The following PTRH1 variants were observed in gnomAD, a reference collection of about 807,000 sequenced individuals.
PTRH1 encodes the protein peptidyl-tRNA hydrolase 1 homolog.
Under a neutral mutation model 15.7 loss-of-function variants are expected in PTRH1, and 13 were observed. The ratio of observed to expected loss-of-function variants is 0.83; its 90% confidence interval spans 0.54 to 1.31. The LOEUF (loss-of-function observed/expected upper bound fraction) is 1.31, where lower values mean the gene tolerates loss of function less well. Among genes scored for constraint, PTRH1 ranks in the 40% most tolerant of loss-of-function variants. The pLI, the probability that PTRH1 is intolerant of heterozygous loss-of-function variation, is 0.00. For synonymous variants in PTRH1, 139 were observed against 136.7 expected, an observed-to-expected ratio of 1.02 and a Z score of -0.12; for missense variants, 319 against 296.2, an observed-to-expected ratio of 1.08 and a Z score of -0.56.
At position 127,707,116 on chromosome 9, in the gene PTRH1, G is replaced by A. The variant is rs568950596; in HGVS notation, c.205+8319C>T. The A allele has an allele frequency of 6.0e-5, 97 of 1,613,726 alleles. 2 individuals are homozygous for A. Among genetic ancestry groups the A allele is most frequent in the South Asian group, 4.7e-4 (43 of 91,080 alleles). On this transcript the variant is annotated intron_variant, in intron 1 of 2. Transcript: ENST00000335223. ...GGGCAAGAAGGAGCCGGTGGTGGCC[G>A]TGGAGCCGCCTCTGGCCAAGGAGAT...
In PTRH1 at chr9:127,705,302, C is replaced by T. The variant is rs974122372; in HGVS notation, c.205+10133G>A. 1.3e-5 allele frequency among the ~76,000 whole-genome samples: 2 copies of T among 152,184 alleles called. No individual in the cohort carries two copies. Among genetic ancestry groups the T allele is most frequent in the African/African-American group, 2.4e-5 (1 of 41,436 alleles). ...AGACTACGGAAGGCAGCTGGAGAAG[C>T]GATAATGAGACAGTGCCCCCATGGC... On this transcript the variant is annotated intron_variant, in intron 1 of 2. Transcript: ENST00000335223. This position sits in a 1 kb window ranked among gnomAD's most constrained non-coding sequence, Gnocchi z 4.7.
At position 127,714,194 on chromosome 9, in the gene PTRH1, T is replaced by C; in HGVS notation, c.551A>G (p.Glu184Gly). Residue 184 changes from glutamate to glycine, a missense_variant, in exon 5 of 5, where the codon GAG becomes GGG. Glu to Gly is a moderately conservative substitution (Grantham distance 98). Coordinates refer to ENST00000543175, the MANE Select transcript of PTRH1 (RefSeq NM_001002913.3). The part of the protein sequence containing the change: ...AHVLGCFSPA[E>G]QELLPLLLDR... The stretch of plus-strand genomic sequence containing the variant: ...CAGCAACAGAGGCAGCAGCTCCTGC[T>C]CAGCAGGGGAGAAGCAGCCCAGCAC... 6.2e-7 allele frequency: 1 copy of C among 1,613,850 alleles called. No individual in the cohort carries two copies.
rs1199343432 is a variant in PTRH1, at chr9:127,713,816, G to T, written c.*284C>A. ...GCCACTGCACCCGGCCTCCAAGCCA[G>T]CATCTTTAATCTTACAGATGCGTGC... On this transcript the variant is annotated 3_prime_UTR_variant, in exon 5 of 5. Coordinates refer to ENST00000543175, the MANE Select transcript of PTRH1 (RefSeq NM_001002913.3). The T allele has an allele frequency of 1.9e-6, 3 of 1,612,414 alleles. No homozygotes were observed. Among genetic ancestry groups the T allele is most frequent in the East Asian group, 2.2e-5 (1 of 44,872 alleles).
chr9:127,709,530 G>A (rs535672656), downstream of PTRH1: 9 of 1,614,104 alleles, frequency 5.6e-6, no homozygotes, highest in African/African-American at 2.7e-5. This position sits in a 1 kb window ranked among gnomAD's most constrained non-coding sequence, Gnocchi z 4.7. Flanking sequence ...TCAAGCGCAC[G>A]CTCAACCAGC....
At chr9:127,712,086 G>A, downstream of PTRH1, 1 of 1,512,646 alleles carries the variant, frequency 6.6e-7, no homozygotes, top group East Asian at 2.4e-5. Context: ...TGAGGCTTGG[G>A]GCGGGATGGG....
downstream of PTRH1, chr9:127,711,251 C>T (rs754699871): frequency 8.7e-6 from 14 of 1,613,964 alleles, no homozygotes; most frequent in East Asian, 4.5e-5. Flanking sequence ...GATCATCCAG[C>T]GCGTGAACCT....
In PTRH1 at chr9:127,714,607, C is replaced by T. The variant is rs1842875086; in HGVS notation, c.412G>A (p.Ala138Thr). Residue 138 changes from alanine (A) to threonine (T), a missense_variant, in exon 3 of 5, where the codon GCC becomes ACC. Coordinates refer to ENST00000543175, the MANE Select transcript of PTRH1 (RefSeq NM_001002913.3). ...GRLALKLGGS[A>T]RGHNGVRSCI... ...CTGACCATCTCAGGACCTCACCTGG[C>T]ACTGCCCCCCAGCTTCAGAGCCAGT... 5.6e-6 allele frequency: 9 copies of T among 1,613,618 alleles called. No homozygotes were observed. Among genetic ancestry groups the T allele is most frequent in the Non-Finnish European group, 7.6e-6 (9 of 1,179,744 alleles).
At position 127,714,644 on chromosome 9, in the gene PTRH1, C is replaced by T. The variant is rs201515782; in HGVS notation, c.375G>A (p.Lys125=). ...EVYLVHDELD[K]PLGRLALKLG... Reference sequence around the variant, plus strand: ...GCTTCAGAGCCAGTCTCCCCAGGGGCTTGTCCAGCTCATCATGCACCAGGT... The same window carrying T: ...GCTTCAGAGCCAGTCTCCCCAGGGGTTTGTCCAGCTCATCATGCACCAGGT... The change falls in exon 3 of 5, where the codon AAG becomes AAA. Residue 125 remains lysine (K), a synonymous_variant. Transcript: ENST00000543175. 6.2e-7 allele frequency: 1 copy of T among 1,613,986 alleles called. No homozygotes were observed. The highest frequency in any genetic ancestry group is 1.1e-5 in the South Asian group (1 of 91,050).
intron 2 of PTRH1, 53 bp from the exon 3 acceptor site, chr9:127,714,755 A>C (rs553112968): frequency 7.0e-7 from 1 of 1,435,208 alleles, no homozygotes; most frequent in Non-Finnish European, 9.7e-7. Flanking sequence ...CCAGAGAGGC[A>C]CTGTCCCGAC....
rs140978874 is a variant in PTRH1 at position 127,703,805 on chromosome 9, T to C, written c.206-8664A>G. Among the ~76,000 whole-genome samples the C allele has an allele frequency of 4.9e-4, 75 of 152,338 alleles. 1 individual carries two copies. The highest frequency in any genetic ancestry group is 4.8e-3 in the South Asian group (23 of 4,834). Reference sequence around the variant, plus strand: ...GTGAAAAAGCCTCCATCCTATGAGCTAGCTGGAGTTGGGCCGGCAGGGCCC... The same window carrying C: ...GTGAAAAAGCCTCCATCCTATGAGCCAGCTGGAGTTGGGCCGGCAGGGCCC... On this transcript the variant is annotated intron_variant, in intron 1 of 2. Coordinates refer to the PTRH1 transcript ENST00000335223.
chr9:127,708,463 C>T (rs866216435), intron 1 of PTRH1, among the ~76,000 whole-genome samples: 5 of 151,848 alleles, frequency 3.3e-5, no homozygotes, highest in African/African-American at 9.7e-5. Context: ...GGTGACAGAT[C>T]GAGACTCCAT....
chr9:127,699,358 G>GA (rs1842586549), intron 1 of PTRH1, among the ~76,000 whole-genome samples: 3 of 152,262 alleles, frequency 2.0e-5, no homozygotes, highest in African/African-American at 7.2e-5. Context: ...TGTGAGCAAG[G>GA]AAAAGGCCGA....
chr9:127,714,939 T>TGGG, intron 2 of PTRH1, 36 bp downstream of exon 2: 4 of 407,850 alleles, frequency 9.8e-6, no homozygotes, highest in Non-Finnish European at 9.1e-6. Flanking sequence ...CCCACCCCCT[T>TGGG]GGCCCGCCCG....
At chr9:127,707,000 C>T in intron 1 of PTRH1, 1 of 1,610,566 alleles carries the variant, frequency 6.2e-7, no homozygotes, top group Non-Finnish European at 8.5e-7. Context: ...CTGGCCTCTT[C>T]CTGGGGCCTG....
chr9:127,712,607 A>AG (rs1842792142), downstream of PTRH1: 2 of 1,597,522 alleles, frequency 1.3e-6, no homozygotes, highest in African/African-American at 1.3e-5. Flanking sequence ...CACCACAGAC[A>AG]GGGAAAACTT....
intron 1 of PTRH1, among the ~76,000 whole-genome samples, chr9:127,702,450 T>A (rs1405666390): frequency 4.7e-5 from 7 of 149,898 alleles, no homozygotes; most frequent in African/African-American, 1.7e-4. Flanking sequence ...GAGTGGGGAA[T>A]CACTTGAGCC....
At chr9:127,707,019 G>A in intron 1 of PTRH1, 1 of 1,613,186 alleles carries the variant, frequency 6.2e-7, no homozygotes, top group Non-Finnish European at 8.5e-7. Flanking sequence ...TGGAGCCCTG[G>A]TTGCCATCAG....
chr9:127,714,528 G>A (rs772634091), intron 3 of PTRH1, 75 bp downstream of exon 3: 1 of 1,591,878 alleles, frequency 6.3e-7, no homozygotes, highest in Non-Finnish European at 8.6e-7. Flanking sequence ...TGTGGAGACT[G>A]GGTCAGCAGC....
intron 1 of PTRH1, among the ~76,000 whole-genome samples, chr9:127,707,821 G>A (rs546345011): frequency 3.3e-5 from 5 of 152,264 alleles, no homozygotes; most frequent in Admixed American, 6.5e-5. Context: ...GTGAGGCACC[G>A]CCCCAGTCTC....
Sources: allele counts gnomAD v4.1 joint callset (sites outside exome capture counted in the v4.1 genomes callset), GRCh38; gene constraint gnomAD v4.1.1; non-coding constraint Gnocchi (gnomAD v3.1); transcripts MANE v1.5; gene names NCBI Gene and HGNC (gene_info 2026-07-23, HGNC 2026-07-21).